The following PRKAR1A variants were observed in gnomAD, a reference collection of about 807,000 sequenced individuals.
PRKAR1A encodes protein kinase cAMP-dependent type I regulatory subunit alpha.
A neutral mutation model predicts 52.0 loss-of-function variants in PRKAR1A; 3 were observed. That is an observed-to-expected ratio of 0.06 (90% CI 0.03 to 0.15). The LOEUF (loss-of-function observed/expected upper bound fraction) is 0.15, where lower values mean the gene tolerates loss of function less well. Among genes scored for constraint, PRKAR1A ranks in the 10% least tolerant of loss-of-function variants. The pLI is 1.00. For missense variants in PRKAR1A, 240 were observed against 477.4 expected (o/e 0.50, Z 4.63); for synonymous variants, 188 against 168.4 (o/e 1.12, Z -0.90).
At chr17:68,528,538 G>A (rs2085863488) in intron 8 of PRKAR1A, 1 of 273,254 alleles carries the variant, frequency 3.7e-6, no homozygotes, top group Admixed American at 4.8e-5. Context: ...TATGACTTTT[G>A]AGTATTGTAG....
chr17:68,441,658 T>G, the PRKAR1A span, among the ~76,000 whole-genome samples: 1 of 152,310 alleles, frequency 6.6e-6, no homozygotes, highest in African/African-American at 2.4e-5. Context: ...CAGAGAGGGC[T>G]GCGGAGTGAG....
chr17:68,550,025 T>C (rs1280477117), intron 11 of PRKAR1A, among the ~76,000 whole-genome samples: 2 of 152,200 alleles, frequency 1.3e-5, no homozygotes, highest in South Asian at 2.1e-4. Flanking sequence ...CTGGAATGAC[T>C]TGACTTTGCG....
chr17:68,447,205 A>G, the PRKAR1A span, among the ~76,000 whole-genome samples: 3 of 152,224 alleles, frequency 2.0e-5, no homozygotes, highest in Non-Finnish European at 4.4e-5. Flanking sequence ...CCATCTGGAT[A>G]GCAAGGGCCC....
the PRKAR1A span, among the ~76,000 whole-genome samples, chr17:68,439,335 G>C: frequency 2.0e-5 from 3 of 152,118 alleles, no homozygotes; most frequent in Non-Finnish European, 4.4e-5. Flanking sequence ...CAACACAGAA[G>C]AACCTTGGAA....
At chr17:68,501,752 C>T in the PRKAR1A span, among the ~76,000 whole-genome samples, 1 of 152,192 alleles carries the variant, frequency 6.6e-6, no homozygotes, top group African/African-American at 2.4e-5. Context: ...GCCACCATGC[C>T]CAGAACTCAG....
chr17:68,450,686 G>A, the PRKAR1A span: 1,003 of 1,564,280 alleles, frequency 6.4e-4, 4 homozygotes, highest in African/African-American at 0.012. Context: ...TTTGGCTCCC[G>A]TTAGCAGAAG....
the PRKAR1A span, among the ~76,000 whole-genome samples, chr17:68,478,894 A>G: frequency 6.6e-6 from 1 of 152,184 alleles, no homozygotes; most frequent in Middle Eastern, 3.4e-3. Context: ...TGTCTGGCTA[A>G]TTTTTGTATT....
chr17:68,480,897 G>A, the PRKAR1A span, among the ~76,000 whole-genome samples: 1 of 152,134 alleles, frequency 6.6e-6, no homozygotes, highest in Admixed American at 6.5e-5. Context: ...GTTTTTACTT[G>A]GTAGTAGACC....
chr17:68,522,165 G>A (rs11651687), intron 2 of PRKAR1A, among the ~76,000 whole-genome samples: 34,285 of 152,088 alleles, frequency 0.23, 3,929 homozygotes, highest in South Asian at 0.26. Context: ...GGATCAAACT[G>A]GAATGTGAAT....
the PRKAR1A span, among the ~76,000 whole-genome samples, chr17:68,476,955 C>T: frequency 1.3e-5 from 2 of 151,992 alleles, no homozygotes; most frequent in African/African-American, 4.8e-5. Flanking sequence ...CCACCGTGCT[C>T]GGCCGAGATT....
At chr17:68,489,404 A>ATATATATATATATGGAAAG in the PRKAR1A span, among the ~76,000 whole-genome samples, 1 of 4,936 alleles carries the variant, frequency 2.0e-4, no homozygotes, top group Non-Finnish European at 4.4e-4. Flanking sequence ...TATGGAAAGT[A>ATATATATATATATGGAAAG]TATATATATA....
At position 68,515,526 on chromosome 17, in the gene PRKAR1A, C is replaced by T. The variant is rs1568688352; in HGVS notation, c.127C>T (p.Pro43Ser). The change falls in exon 2 of 11, where the codon CCT (proline) becomes TCT (serine). Residue 43 changes from proline to serine, a missense_variant. This residue lies in a region of PRKAR1A where 107 missense variants were observed against 114.6 expected (regional missense o/e 0.93). Transcript: ENST00000589228. The stretch of plus-strand genomic sequence containing the variant: ...TATTGTGCAGTTGTGCACTGCTCGA[C>T]CTGAGAGACCCATGGCATTCCTCAG... Reference protein sequence around the residue: ...DSIVQLCTARPERPMAFLREY... With the variant: ...DSIVQLCTARSERPMAFLREY... 2 of 1,613,022 alleles carry T rather than the reference C, an allele frequency of 1.2e-6. No individual in the cohort carries two copies. The highest frequency in any genetic ancestry group is 8.5e-7 in the Non-Finnish European group (1 of 1,180,024).
At chr17:68,424,982 A>G in the PRKAR1A span, among the ~76,000 whole-genome samples, 1 of 152,368 alleles carries the variant, frequency 6.6e-6, no homozygotes, top group Admixed American at 6.5e-5. Flanking sequence ...ATGTTACTCC[A>G]GATGGGAGCC....
chr17:68,430,085 G>C, the PRKAR1A span: 1 of 1,614,036 alleles, frequency 6.2e-7, no homozygotes, highest in African/African-American at 1.3e-5. Flanking sequence ...CTGACACCTG[G>C]GTAGGGAGGT....
chr17:68,436,454 A>G, the PRKAR1A span: 2 of 1,613,928 alleles, frequency 1.2e-6, no homozygotes, highest in Non-Finnish European at 8.5e-7. Flanking sequence ...AAGAATTGGA[A>G]TGGTTGATAG....
chr17:68,441,060 C>T, the PRKAR1A span: 9 of 152,290 alleles, frequency 5.9e-5, no homozygotes, highest in South Asian at 1.0e-3. Flanking sequence ...TGGTATGGAA[C>T]GCTCCCTCAA....
the PRKAR1A span, among the ~76,000 whole-genome samples, chr17:68,418,414 A>C: frequency 6.6e-6 from 1 of 152,026 alleles, no homozygotes; most frequent in Non-Finnish European, 1.5e-5. Flanking sequence ...AATGAAGAAT[A>C]ATCAAATTCT....
At chr17:68,493,141 G>T in the PRKAR1A span, among the ~76,000 whole-genome samples, 1 of 151,944 alleles carries the variant, frequency 6.6e-6, no homozygotes, top group South Asian at 2.1e-4. Flanking sequence ...GAGGGGTGGG[G>T]GTTGTGGGGA....
At chr17:68,469,838 T>G in the PRKAR1A span, among the ~76,000 whole-genome samples, 2 of 152,184 alleles carry the variant, frequency 1.3e-5, no homozygotes, top group Non-Finnish European at 2.9e-5. Context: ...AAAGTAATAA[T>G]AAACCCATTA....
Sources: gnomAD v4.1 joint callset for allele counts (sites outside exome capture counted in the v4.1 genomes callset) on GRCh38, gnomAD v4.1.1 for gene constraint, gnomAD v4.1.1 regional missense constraint, MANE v1.5 for transcripts, NCBI Gene and HGNC (gene_info 2026-07-23, HGNC 2026-07-21) for gene names.